TMEM132D: variants seen among roughly 807,000 people sequenced by gnomAD.
TMEM132D encodes mature OL transmembrane protein.
A neutral mutation model predicts 62.3 loss-of-function variants in TMEM132D; 21 were observed. The ratio of observed to expected loss-of-function variants is 0.34; its 90% CI spans 0.24 to 0.49. TMEM132D has a LOEUF of 0.49. Among genes scored for constraint, TMEM132D ranks in the 20% least tolerant of loss-of-function variants. TMEM132D has a pLI of 0.99. For missense variants in TMEM132D, 1,346 were observed against 1,402.8 expected (o/e 0.96, Z 0.65); for synonymous variants, 621 against 575.6 (o/e 1.08, Z -1.13).
intron 1 of TMEM132D, among the ~76,000 whole-genome samples, chr12:129,720,464 CAA>C (rs1868781594): frequency 1.3e-5 from 2 of 152,140 alleles, no homozygotes; most frequent in Admixed American, 6.5e-5. Flanking sequence ...AACAATTTGC[CAA>C]AGTCTTAAAA....
At chr12:129,483,550 T>C (rs1349731001) in intron 3 of TMEM132D, among the ~76,000 whole-genome samples, 2 of 152,250 alleles carry the variant, frequency 1.3e-5, no homozygotes, top group African/African-American at 2.4e-5. Context: ...CCATACTTAA[T>C]TGAAGTTGAG....
chr12:129,558,741 C>T (rs113781671), intron 2 of TMEM132D, among the ~76,000 whole-genome samples: 10 of 152,260 alleles, frequency 6.6e-5, no homozygotes, highest in African/African-American at 2.4e-4. Context: ...AGGCATTCTC[C>T]CCTAAGGAGA....
rs35111989 is a variant in TMEM132D at position 129,825,011 on chromosome 12, C to CTT, written c.79+78248_79+78249dup. 9.3e-3 allele frequency among the ~76,000 whole-genome samples: 1,178 copies of CTT among 126,170 alleles called. 20 individuals are homozygous for CTT. Among genetic ancestry groups the CTT allele is most frequent in the African/African-American group, 0.038 (1,078 of 28,714 alleles). 82.8% of individuals were successfully genotyped at this position (126,170 alleles called of 152,430 possible). On this transcript the variant is annotated intron_variant, in intron 1 of 8. Coordinates refer to ENST00000422113, the MANE Select transcript of TMEM132D (RefSeq NM_133448.3). The stretch of plus-strand genomic sequence containing the variant: ...CGTTCCTTTAACACAGATGGGCAGT[C>CTT]TTTTTTTTTTTTTTTTCCCTGAGAT...
chr12:129,603,834 A>G (rs1212239939), intron 2 of TMEM132D, among the ~76,000 whole-genome samples: 2 of 152,234 alleles, frequency 1.3e-5, no homozygotes, highest in Non-Finnish European at 1.5e-5. Flanking sequence ...TACCCAAAGG[A>G]CTATAAATCA....
intron 4 of TMEM132D, among the ~76,000 whole-genome samples, chr12:129,253,472 C>CG (rs1299475531): frequency 3.3e-5 from 5 of 152,140 alleles, no homozygotes; most frequent in African/African-American, 4.8e-5. Flanking sequence ...TTCCAGCCAA[C>CG]CCATAGAAAA....
chr12:129,546,577 G>C (rs1458673918), intron 2 of TMEM132D, among the ~76,000 whole-genome samples: 1 of 152,010 alleles, frequency 6.6e-6, no homozygotes, highest in African/African-American at 2.4e-5. Context: ...CAAGGTGGGT[G>C]GATCACAAGG....
Position 129,562,483 on chromosome 12 carries a change from C to T in TMEM132D, c.969-31278G>A, listed in dbSNP as rs57570461. 6.1e-3 allele frequency among the ~76,000 whole-genome samples: 924 copies of T among 152,258 alleles called. 12 individuals carry two copies. The highest frequency in any genetic ancestry group is 0.021 in the African/African-American group (858 of 41,540). Reference sequence around the variant, plus strand: ...CAATCAGGGAGGTTGTGAACAAGCCCTGAGTCACTGCATGGATTCTGGAAC... The same window carrying T: ...CAATCAGGGAGGTTGTGAACAAGCCTTGAGTCACTGCATGGATTCTGGAAC... On this transcript the variant is annotated intron_variant, in intron 2 of 8. Transcript: ENST00000422113.
At chr12:129,767,741 T>C (rs1173899909) in intron 1 of TMEM132D, among the ~76,000 whole-genome samples, 1 of 152,264 alleles carries the variant, frequency 6.6e-6, no homozygotes, top group Admixed American at 6.5e-5. Flanking sequence ...CATCCATCAA[T>C]GGATACTTGA....
At chr12:129,297,308 C>G (rs1281418166) in intron 4 of TMEM132D, among the ~76,000 whole-genome samples, 1 of 152,220 alleles carries the variant, frequency 6.6e-6, no homozygotes, top group Non-Finnish European at 1.5e-5. Flanking sequence ...CCCCACAGGC[C>G]TTCCCGAGTG....
chr12:129,478,784 C>G (rs1022665645), intron 3 of TMEM132D, among the ~76,000 whole-genome samples: 1 of 152,148 alleles, frequency 6.6e-6, no homozygotes, highest in Admixed American at 6.5e-5. Context: ...CTGCAGGATG[C>G]TGACACCTAA....
chr12:129,717,615 G>A (rs1868637650), intron 1 of TMEM132D, among the ~76,000 whole-genome samples: 1 of 150,198 alleles, frequency 6.7e-6, no homozygotes, highest in Non-Finnish European at 1.5e-5. Flanking sequence ...CACAGAATAT[G>A]AGGCCCACAG....
intron 1 of TMEM132D, among the ~76,000 whole-genome samples, chr12:129,826,790 G>A (rs1420310037): frequency 6.6e-6 from 1 of 152,172 alleles, no homozygotes; most frequent in Non-Finnish European, 1.5e-5. Flanking sequence ...AGATCCATCC[G>A]AGGACTGGGT....
chr12:129,511,859 A>G (rs1448469458), intron 3 of TMEM132D, among the ~76,000 whole-genome samples: 1 of 152,208 alleles, frequency 6.6e-6, no homozygotes, highest in Non-Finnish European at 1.5e-5. Flanking sequence ...AGAAGGGAGA[A>G]GACATTTTAT....
chr12:129,387,754 GCAACACCAATACTAACAC>G (rs914257510), intron 3 of TMEM132D, among the ~76,000 whole-genome samples: 1 of 147,194 alleles, frequency 6.8e-6, no homozygotes, highest in African/African-American at 2.5e-5. Flanking sequence ...AACACTAATA[GCAACACCAATACTAACAC>G]CAACACCAAT....
intron 1 of TMEM132D, among the ~76,000 whole-genome samples, chr12:129,880,409 T>A (rs1047894634): frequency 6.6e-6 from 1 of 152,170 alleles, no homozygotes; most frequent in East Asian, 1.9e-4. Flanking sequence ...GAAATGAATA[T>A]CTGCACAAAG....
At chr12:129,164,145 AACC>A (rs1877474853) in intron 5 of TMEM132D, among the ~76,000 whole-genome samples, 1 of 152,190 alleles carries the variant, frequency 6.6e-6, no homozygotes, top group East Asian at 1.9e-4. Flanking sequence ...GACTGAAAAA[AACC>A]ACAACACAGC....
chr12:129,358,602 G>A (rs1241362333), intron 3 of TMEM132D, among the ~76,000 whole-genome samples: 4 of 152,140 alleles, frequency 2.6e-5, no homozygotes, highest in Non-Finnish European at 2.9e-5. Context: ...GAGGTGGGAG[G>A]TGGACATTAA....
intron 3 of TMEM132D, among the ~76,000 whole-genome samples, chr12:129,378,463 G>A (rs1870846955): frequency 6.6e-6 from 1 of 152,240 alleles, no homozygotes. Context: ...ATAGCTAGGA[G>A]TAGATTTCTC....
chr12:129,087,958 AC>A (rs1384310352), intron 5 of TMEM132D, among the ~76,000 whole-genome samples: 1 of 84,622 alleles, frequency 1.2e-5, no homozygotes, highest in Non-Finnish European at 2.5e-5. Flanking sequence ...GTCCTCCCTG[AC>A]CGGGGTGTCC....
Sources: allele counts gnomAD v4.1 joint callset (sites outside exome capture counted in the v4.1 genomes callset), GRCh38; gene constraint gnomAD v4.1.1; transcripts MANE v1.5; gene names NCBI Gene and HGNC (gene_info 2026-07-23, HGNC 2026-07-21).